PAK5: variants seen among roughly 807,000 people sequenced by gnomAD.
PAK5 encodes the protein serine/threonine-protein kinase PAK 5.
PAK5 carries 16 observed loss-of-function variants against 65.9 expected under a neutral mutation model. The observed-to-expected ratio is 0.24, with a 90% confidence interval of 0.16 to 0.37. The LOEUF (loss-of-function observed/expected upper bound fraction) is 0.37. Among genes scored for constraint, PAK5 ranks in the 10% least tolerant of loss-of-function variants. PAK5 has a pLI of 1.00. For synonymous variants in PAK5, 371 were observed against 354.9 expected (o/e 1.05, Z -0.51); for missense variants, 785 against 903.9 (o/e 0.87, Z 1.69).
chr20:9,832,076 TC>T (rs1978765000), intron 1 of PAK5, among the ~76,000 whole-genome samples: 1 of 152,060 alleles, frequency 6.6e-6, no homozygotes, highest in African/African-American at 2.4e-5. Context: ...TAGTCTGTTA[TC>T]TTGGGACCTT....
chr20:9,625,583 T>G (rs911912715), intron 3 of PAK5, among the ~76,000 whole-genome samples: 3 of 152,208 alleles, frequency 2.0e-5, no homozygotes, highest in African/African-American at 7.2e-5. Context: ...TTTCTTTTTC[T>G]TACGGAGAAG....
intron 1 of PAK5, among the ~76,000 whole-genome samples, chr20:9,823,739 C>A (rs138000193): frequency 6.6e-6 from 1 of 152,170 alleles, no homozygotes; most frequent in African/African-American, 2.4e-5. Flanking sequence ...GTGTTACTTG[C>A]CCTCTCTCTT....
chr20:9,602,740 T>G (rs2046383819), intron 3 of PAK5, among the ~76,000 whole-genome samples: 1 of 152,162 alleles, frequency 6.6e-6, no homozygotes, highest in Admixed American at 6.5e-5. Flanking sequence ...ACAGAAAGGA[T>G]CCTCTTCATC....
intron 4 of PAK5, among the ~76,000 whole-genome samples, chr20:9,576,734 G>T (rs1000448276): frequency 4.6e-5 from 7 of 152,236 alleles, no homozygotes; most frequent in South Asian, 2.1e-4. Flanking sequence ...TCTGGTAAAA[G>T]GCTTAAGCCC....
At chr20:9,776,776 C>G (rs192749105) in intron 1 of PAK5, among the ~76,000 whole-genome samples, 7 of 152,198 alleles carry the variant, frequency 4.6e-5, no homozygotes, top group Middle Eastern at 6.8e-3. Flanking sequence ...CAGATGAGAC[C>G]GTAGCCATGA....
intron 3 of PAK5, among the ~76,000 whole-genome samples, chr20:9,640,890 T>C (rs1367467158): frequency 6.6e-6 from 1 of 152,156 alleles, no homozygotes; most frequent in African/African-American, 2.4e-5. Flanking sequence ...ATAAGCAGTG[T>C]GGCCCCGAAG....
chr20:9,641,318 A>G (rs1354703224), intron 3 of PAK5, among the ~76,000 whole-genome samples: 1 of 150,926 alleles, frequency 6.6e-6, no homozygotes, highest in African/African-American at 2.5e-5. Flanking sequence ...TGAGCTAGAC[A>G]TAAAGGTTCT....
intron 7 of PAK5, among the ~76,000 whole-genome samples, chr20:9,556,542 G>C (rs6118646): frequency 1.3e-5 from 2 of 152,320 alleles, no homozygotes; most frequent in East Asian, 3.9e-4. Flanking sequence ...TTCATGCCAA[G>C]GCCATTGCCT....
chr20:9,667,804 T>G (rs994056612), intron 2 of PAK5, among the ~76,000 whole-genome samples: 9 of 152,184 alleles, frequency 5.9e-5, no homozygotes, highest in Non-Finnish European at 1.3e-4. Context: ...TTTATGTATG[T>G]GTGTTTATTC....
At chr20:9,585,069 A>C (rs1158509380) in intron 3 of PAK5, among the ~76,000 whole-genome samples, 1 of 152,232 alleles carries the variant, frequency 6.6e-6, no homozygotes, top group East Asian at 1.9e-4. Context: ...GAACTTGATA[A>C]ACAATGCTTA....
At chr20:9,546,672 A>G (rs1806281383) in intron 7 of PAK5, among the ~76,000 whole-genome samples, 1 of 152,210 alleles carries the variant, frequency 6.6e-6, no homozygotes, top group Non-Finnish European at 1.5e-5. Flanking sequence ...GGGAAAGCCA[A>G]GGTAGGGATA....
chr20:9,666,347 T>C (rs1384797708), intron 2 of PAK5, among the ~76,000 whole-genome samples: 1 of 132,186 alleles, frequency 7.6e-6, no homozygotes, highest in African/African-American at 2.9e-5. Flanking sequence ...ACAGAAAGAA[T>C]GAAAGGTCAG....
chr20:9,718,662 G>A (rs1057512006), intron 1 of PAK5, among the ~76,000 whole-genome samples: 1 of 152,080 alleles, frequency 6.6e-6, no homozygotes. Flanking sequence ...ATAATAAACT[G>A]AATTGAGAAA....
chr20:9,641,223 C>A (rs1431984115), intron 3 of PAK5, among the ~76,000 whole-genome samples: 4 of 151,764 alleles, frequency 2.6e-5, no homozygotes, highest in Non-Finnish European at 4.4e-5. Flanking sequence ...CACCCACAAA[C>A]CTTGAGCTAA....
intron 2 of PAK5, among the ~76,000 whole-genome samples, chr20:9,671,288 T>C (rs1335700518): frequency 6.6e-6 from 1 of 152,234 alleles, no homozygotes; most frequent in East Asian, 1.9e-4. Flanking sequence ...AACTTTAAAG[T>C]AGTTTTTTCC....
chr20:9,789,308 A>T (rs1325051242), intron 1 of PAK5, among the ~76,000 whole-genome samples: 1 of 152,114 alleles, frequency 6.6e-6, no homozygotes, highest in Non-Finnish European at 1.5e-5. Context: ...TCCAAATCTG[A>T]ATTTTTCTTG....
intron 3 of PAK5, among the ~76,000 whole-genome samples, chr20:9,590,619 C>CAA (rs71184146): frequency 9.3e-4 from 121 of 130,330 alleles, no homozygotes; most frequent in African/African-American, 1.9e-3. Flanking sequence ...TGGGCTGTGC[C>CAA]AAAAAAAAAA....
intron 4 of PAK5, among the ~76,000 whole-genome samples, chr20:9,578,906 G>A (rs1168466965): frequency 1.3e-5 from 2 of 152,068 alleles, no homozygotes; most frequent in African/African-American, 4.8e-5. Context: ...ATTTTAACTG[G>A]AGGAACATAT....
intron 2 of PAK5, among the ~76,000 whole-genome samples, chr20:9,661,951 GC>G (rs1210496716): frequency 2.0e-5 from 3 of 152,080 alleles, no homozygotes; most frequent in African/African-American, 7.2e-5. Context: ...GCTTTCTTCA[GC>G]CCCTCTGGGC....
Sources: allele counts gnomAD v4.1 joint callset (sites outside exome capture counted in the v4.1 genomes callset), GRCh38; gene constraint gnomAD v4.1.1; transcripts MANE v1.5; gene names NCBI Gene and HGNC (gene_info 2026-07-23, HGNC 2026-07-21).